The following TRIM5 variants were observed in gnomAD, a reference collection of about 807,000 sequenced individuals.
TRIM5 encodes tripartite motif-containing protein 5.
A neutral mutation model predicts 35.6 loss-of-function variants in TRIM5; 31 were observed. The observed-to-expected ratio is 0.87, with a 90% confidence interval of 0.65 to 1.18. The LOEUF is 1.18. Among genes scored for constraint, TRIM5 ranks in the 50% most tolerant of loss-of-function variants. The pLI is 0.00. For synonymous variants in TRIM5, 243 were observed against 215.6 expected, an observed-to-expected ratio of 1.13 and a Z score of -1.11; for missense variants, 609 against 591.6, an observed-to-expected ratio of 1.03 and a Z score of -0.31.
At chr11:5,608,847 ATTTTTTTTTTT>A in the TRIM5 span, among the ~76,000 whole-genome samples, 1 of 101,902 alleles carries the variant, frequency 9.8e-6, no homozygotes, top group African/African-American at 4.3e-5. Flanking sequence ...TTGCCCATAA[ATTTTTTTTTTT>A]TTTTTTTTTT....
the TRIM5 span, among the ~76,000 whole-genome samples, chr11:5,595,940 C>T: frequency 6.6e-6 from 1 of 152,146 alleles, no homozygotes; most frequent in Non-Finnish European, 1.5e-5. Context: ...CTCGGCCTCC[C>T]AAAGTGCTGG....
chr11:5,643,038 C>T, the TRIM5 span: 2 of 1,293,290 alleles, frequency 1.5e-6, no homozygotes, highest in Non-Finnish European at 2.1e-6. Flanking sequence ...GTTCGTTCAT[C>T]ACCATGTCAC....
At chr11:5,608,455 G>A in the TRIM5 span, 159 of 1,605,174 alleles carry the variant, frequency 9.9e-5, no homozygotes, top group East Asian at 3.6e-3. Context: ...CTTTACCCAT[G>A]ATCAGTGGGA....
chr11:5,603,396 A>T, the TRIM5 span: 4 of 1,612,038 alleles, frequency 2.5e-6, no homozygotes, highest in African/African-American at 4.0e-5. Context: ...CCCTGAGCAT[A>T]GACTGTGGCC....
the TRIM5 span, among the ~76,000 whole-genome samples, chr11:5,623,999 A>T: frequency 6.6e-6 from 1 of 152,140 alleles, no homozygotes; most frequent in South Asian, 2.1e-4. Context: ...ATCAACTTAT[A>T]TTCCTCATGA....
chr11:5,641,459 G>A, the TRIM5 span, among the ~76,000 whole-genome samples: 3 of 152,092 alleles, frequency 2.0e-5, no homozygotes, highest in Admixed American at 6.6e-5. Context: ...GTCAGACTTC[G>A]GTGACTTCAC....
intron 4 of TRIM5, among the ~76,000 whole-genome samples, chr11:5,668,610 C>T (rs999449874): frequency 9.9e-5 from 15 of 151,666 alleles, no homozygotes; most frequent in South Asian, 2.1e-4. Context: ...CCATAATGCC[C>T]GGCTATTTTT....
At chr11:5,619,042 C>G in the TRIM5 span, among the ~76,000 whole-genome samples, 10 of 152,072 alleles carry the variant, frequency 6.6e-5, no homozygotes, top group African/African-American at 2.4e-4. Context: ...TGTGTGCAAA[C>G]GGTGATATGA....
the TRIM5 span, chr11:5,643,828 C>A: frequency 7.6e-7 from 1 of 1,307,732 alleles, no homozygotes. Flanking sequence ...TTTTACTCAT[C>A]CTTGAGATGT....
At chr11:5,643,148 T>C in the TRIM5 span, 1 of 1,501,684 alleles carries the variant, frequency 6.7e-7, no homozygotes, top group Non-Finnish European at 8.8e-7. Flanking sequence ...TTGCAGTGGA[T>C]GTCACACTGA....
chr11:5,666,012 A>T lies in TRIM5; in HGVS notation c.837T>A (p.Pro279=). 6.2e-7 allele frequency: 1 copy of T among 1,613,576 alleles called. No homozygotes were observed. Among genetic ancestry groups the T allele is most frequent in the Non-Finnish European group, 8.5e-7 (1 of 1,179,892 alleles). ...ACACTTCTAGCATTCCTTTCAGATC[A>T]GGAGCTCGAAACACTCTCCTTTGAT... ...PKNQRRVFRA[P]DLKGMLEVFR... Residue 279 remains proline, a synonymous_variant, in exon 6 of 8, where the codon CCT becomes CCA. Transcript: ENST00000380034.
At chr11:5,654,512 T>C in the TRIM5 span, among the ~76,000 whole-genome samples, 2 of 152,238 alleles carry the variant, frequency 1.3e-5, no homozygotes, top group Middle Eastern at 3.4e-3. Context: ...AGGCAGGATG[T>C]TCCTTGTGAC....
the TRIM5 span, chr11:5,605,644 G>A: frequency 6.8e-7 from 1 of 1,480,864 alleles, no homozygotes; most frequent in East Asian, 2.4e-5. Flanking sequence ...TGGGACATCA[G>A]ACTACCATCG....
downstream of TRIM5, among the ~76,000 whole-genome samples, chr11:5,662,091 C>T (rs1440970747): frequency 6.6e-6 from 1 of 152,194 alleles, no homozygotes; most frequent in Non-Finnish European, 1.5e-5. Context: ...TAGCATCAAC[C>T]TCCTCGGTTT....
At chr11:5,671,285 T>C (rs76196009) in intron 4 of TRIM5, among the ~76,000 whole-genome samples, 21,479 of 140,948 alleles carry the variant, frequency 0.15, 2,415 homozygotes, top group East Asian at 0.45. Context: ...CAAGATAGAA[T>C]ACCACAGCTC....
chr11:5,621,476 T>C, the TRIM5 span, among the ~76,000 whole-genome samples: 1 of 152,230 alleles, frequency 6.6e-6, no homozygotes, highest in Non-Finnish European at 1.5e-5. Flanking sequence ...CTTGAATGAC[T>C]AAACTTGCTC....
Position 5,665,011 on chromosome 11 carries a change from A to T in TRIM5, c.1280T>A (p.Val427Glu), listed in dbSNP as rs1048824466. 1 of 1,614,086 alleles carries T rather than the reference A, an allele frequency of 6.2e-7. No homozygotes were observed. Among genetic ancestry groups the T allele is most frequent in the Admixed American group, 1.7e-5 (1 of 60,004 alleles). ...SFHTPSVPFI[V>E]PLSVIICPDR... The stretch of plus-strand genomic sequence containing the variant: ...AGGACAAATAATCACAGAGAGGGGC[A>T]CAATGAAAGGAACAGAAGGAGTATG... The change falls in exon 8 of 8, where the codon GTG becomes GAG. Residue 427 changes from valine (V) to glutamate (E), a missense_variant. Physicochemically the swap from Val to Glu is moderately radical, Grantham distance 121. Coordinates refer to ENST00000380034, the MANE Select transcript of TRIM5 (RefSeq NM_033034.3).
At chr11:5,601,723 C>A in the TRIM5 span, among the ~76,000 whole-genome samples, 1 of 151,880 alleles carries the variant, frequency 6.6e-6, no homozygotes, top group Non-Finnish European at 1.5e-5. Context: ...GTGCCACTGC[C>A]CTCCAGCCTG....
chr11:5,632,602 G>A, the TRIM5 span: 1 of 1,613,544 alleles, frequency 6.2e-7, no homozygotes, highest in African/African-American at 1.3e-5. Flanking sequence ...CCCAGACAAT[G>A]GGAAGAAGAG....
Sources: allele counts gnomAD v4.1 joint callset (sites outside exome capture counted in the v4.1 genomes callset), GRCh38; gene constraint gnomAD v4.1.1; transcripts MANE v1.5; gene names NCBI Gene and HGNC (gene_info 2026-07-23, HGNC 2026-07-21).